WDR93: variants seen among roughly 807,000 people sequenced by gnomAD.
WDR93 encodes WD repeat-containing protein 93.
In WDR93, 73 loss-of-function variants were observed where a neutral mutation model predicts 82.9. The observed-to-expected ratio is 0.88, with a 90% CI of 0.73 to 1.07. The LOEUF (loss-of-function observed/expected upper bound fraction) is 1.07. Ranked by LOEUF, WDR93 falls within the 50% of genes least tolerant of loss-of-function variation. The pLI, the probability that WDR93 is intolerant of heterozygous loss-of-function variation, is 0.00. For synonymous variants in WDR93, 283 were observed against 300.1 expected (o/e 0.94, Z 0.59); for missense variants, 738 against 826.0 (o/e 0.89, Z 1.31).
chr15:89,720,336 A>G (rs577121719), intron 7 of WDR93, among the ~76,000 whole-genome samples: 1 of 151,688 alleles, frequency 6.6e-6, no homozygotes, highest in African/African-American at 2.4e-5. Context: ...GCAGTGGTGC[A>G]ATCTTGGCTC....
rs895929441 is a variant in WDR93 at position 89,726,510 on chromosome 15, G to A, written c.881-647G>A. 2.0e-5 allele frequency among the ~76,000 whole-genome samples: 3 copies of A among 152,360 alleles called. No individual in the cohort carries two copies. In the East Asian group the frequency reaches 5.8e-4, roughly 29 times the overall value. ...CACTGTGGAATCTCCTGGGCAACTT[G>A]AGGGACGCAGGTACCTTCCAAAGTG... On this transcript the variant is annotated intron_variant, in intron 8 of 16. Transcript: ENST00000268130.
At chr15:89,721,832 C>T (rs6496592) in intron 7 of WDR93, among the ~76,000 whole-genome samples, 103,177 of 152,034 alleles carry the variant, frequency 0.68, 37,183 homozygotes, top group African/African-American at 0.89. Context: ...TGCCTTTTCA[C>T]TGGGGTTATT....
chr15:89,713,991 G>T (rs1242422590), intron 5 of WDR93, among the ~76,000 whole-genome samples: 1 of 152,200 alleles, frequency 6.6e-6, no homozygotes, highest in Admixed American at 6.5e-5. Flanking sequence ...TACCATGGGA[G>T]AACAACCTTT....
At chr15:89,738,433 C>T (rs569280222) in intron 16 of WDR93, among the ~76,000 whole-genome samples, 197 bp downstream of exon 16, 3 of 152,212 alleles carry the variant, frequency 2.0e-5, no homozygotes, top group African/African-American at 7.2e-5. Flanking sequence ...TCAAGACCAG[C>T]CTGGTCAACA....
Position 89,699,183 on chromosome 15 carries a change from G to A in WDR93, c.-40-2524G>A, listed in dbSNP as rs750997609. Among the ~76,000 whole-genome samples, 7 of 152,024 alleles carry A rather than the reference G, an allele frequency of 4.6e-5. No homozygotes were observed. The South Asian group carries it at 8.3e-4, about 18-fold the overall frequency. On this transcript the variant is annotated intron_variant, in intron 1 of 16. Coordinates refer to ENST00000268130, the MANE Select transcript of WDR93 (RefSeq NM_020212.2). ...TTCAGCCTAAAAGCCTTTCTTTTAC[G>A]TTATTTATTTTAATGCTAGCTTGTT...
intron 13 of WDR93, among the ~76,000 whole-genome samples, chr15:89,734,847 A>G (rs981649008): frequency 6.6e-6 from 1 of 152,100 alleles, no homozygotes; most frequent in Non-Finnish European, 1.5e-5. Flanking sequence ...TATTAAAAAA[A>G]GAAAAAGAAT....
rs187218984 is a variant in WDR93, at chr15:89,696,934, T to A, written c.-40-4773T>A. ...TGTATGGGAGTCCAGTTGCTCTGCA[T>A]CTTCACCAGTGCTTAGTATTGTCAG... On this transcript the variant is annotated intron_variant, in intron 1 of 16. Coordinates refer to ENST00000268130, the MANE Select transcript of WDR93 (RefSeq NM_020212.2). Among the ~76,000 whole-genome samples, 20 of 151,824 alleles carry A rather than the reference T, an allele frequency of 1.3e-4. No homozygotes were observed. The East Asian group carries it at 3.9e-3, about 29-fold the overall frequency.
In WDR93 at chr15:89,716,972, T is replaced by C. The variant is rs75440169; in HGVS notation, c.795+23T>C. On this transcript the variant is annotated intron_variant, in intron 7 of 16. Coordinates refer to ENST00000268130, the MANE Select transcript of WDR93 (RefSeq NM_020212.2). Reference sequence around the variant, plus strand: ...ATGGTAAGAAACTTTAAAGAAAATCTCCAGAGAGACTTAAGTTTGTATTTT... The same window carrying C: ...ATGGTAAGAAACTTTAAAGAAAATCCCCAGAGAGACTTAAGTTTGTATTTT... 5,878 of 1,442,904 alleles carry C rather than the reference T, an allele frequency of 4.1e-3. 219 individuals carry two copies. In the African/African-American group the frequency reaches 0.077, roughly 19 times the overall value. The allele number at this position is 1,442,904 out of a possible 1,614,324, so 89.4% of individuals were successfully genotyped here. A position where few individuals can be genotyped will look rare whatever the true frequency, so the allele number is the denominator to read the frequency against.
intron 5 of WDR93, among the ~76,000 whole-genome samples, chr15:89,712,891 A>C (rs933141221): frequency 7.9e-5 from 12 of 152,072 alleles, no homozygotes. Flanking sequence ...TTGGGAGGCC[A>C]AGGCAGGCGG....
rs770020621 is a variant in WDR93 at position 89,737,727 on chromosome 15, G to A, written c.1763G>A (p.Arg588Gln). ...CCAGACCATCCATGTTTCCTGCTCCGAGGTACAGAAAGGGACCAGGGCTGA... is the reference window on the plus strand; with the variant it reads ...CCAGACCATCCATGTTTCCTGCTCCAAGGTACAGAAAGGGACCAGGGCTGA... ...VSPDHPCFLL[R>Q]GDYSHETAST... is the part of the protein sequence containing the mutation. The change falls in exon 15 of 17, where the codon CGA (arginine) becomes CAA (glutamine). Residue 588 changes from arginine (R) to glutamine (Q), a missense_variant and splice_region_variant. Physicochemically the swap from Arg to Gln is conservative, Grantham distance 43 (BLOSUM62 1). Transcript: ENST00000268130. 2.0e-5 allele frequency: 33 copies of A among 1,613,974 alleles called. No homozygotes were observed. The East Asian group carries it at 3.1e-4, about 15-fold the overall frequency.
intron 1 of WDR93, among the ~76,000 whole-genome samples, chr15:89,691,915 A>G (rs1964908649): frequency 6.6e-6 from 1 of 152,184 alleles, no homozygotes; most frequent in Admixed American, 6.5e-5. Context: ...ACATTGACAA[A>G]TAGACCCTCA....
At chr15:89,724,797 A>C (rs2141670869) in intron 8 of WDR93, among the ~76,000 whole-genome samples, 1 of 152,354 alleles carries the variant, frequency 6.6e-6, no homozygotes, top group South Asian at 2.1e-4. Context: ...TAAAATTAAA[A>C]AGACTGACCA....
At chr15:89,728,145 A>G (rs1966812285) in intron 9 of WDR93, among the ~76,000 whole-genome samples, 1 of 152,206 alleles carries the variant, frequency 6.6e-6, no homozygotes, top group Non-Finnish European at 1.5e-5. Flanking sequence ...AGTCACCACT[A>G]CTAAAATTTT....
intron 8 of WDR93, among the ~76,000 whole-genome samples, chr15:89,723,779 G>T (rs1419803568): frequency 6.6e-6 from 1 of 152,160 alleles, no homozygotes; most frequent in Non-Finnish European, 1.5e-5. Flanking sequence ...AAGTGGTGGT[G>T]GCTGTTTATG....
chr15:89,714,887 G>C, intron 5 of WDR93, 93 bp from the exon 6 acceptor site: 1 of 1,060,352 alleles, frequency 9.4e-7, no homozygotes, highest in Non-Finnish European at 1.4e-6. Context: ...TGGTCTCTTT[G>C]CCAGCAGTTC....
chr15:89,705,394 CAGGG>C, intron 3 of WDR93, 156 bp from the exon 4 acceptor site: 1 of 643,496 alleles, frequency 1.6e-6, no homozygotes, highest in Non-Finnish European at 2.8e-6. Context: ...TGGAGGAAGG[CAGGG>C]AGACCAAGAG....
chr15:89,692,652 C>G (rs1477111793), intron 1 of WDR93, among the ~76,000 whole-genome samples: 3 of 152,180 alleles, frequency 2.0e-5, no homozygotes, highest in African/African-American at 7.2e-5. Flanking sequence ...TCTTATTGCC[C>G]AGGCTGGAGT....
intron 9 of WDR93, among the ~76,000 whole-genome samples, chr15:89,727,770 A>AT (rs1030097747): frequency 2.6e-5 from 4 of 151,796 alleles, no homozygotes; most frequent in South Asian, 2.1e-4. Flanking sequence ...TTCTTTTTAA[A>AT]TTTTTTTTTC....
chr15:89,734,218 A>C (rs78761862), intron 13 of WDR93, among the ~76,000 whole-genome samples: 1,817 of 152,268 alleles, frequency 0.012, 39 homozygotes, highest in African/African-American at 0.042. Context: ...TGGTTTAAGA[A>C]AATAGTCAGT....
Sources: allele counts gnomAD v4.1 joint callset (sites outside exome capture counted in the v4.1 genomes callset), GRCh38; gene constraint gnomAD v4.1.1; transcripts MANE v1.5; gene names NCBI Gene and HGNC (gene_info 2026-07-23, HGNC 2026-07-21).